CEP85L: variants seen among roughly 807,000 people sequenced by gnomAD.
CEP85L encodes the protein centrosomal protein of 85 kDa-like.
In CEP85L, 60 loss-of-function variants were observed where a neutral mutation model predicts 100.3. The ratio of observed to expected loss-of-function variants is 0.60; its 90% CI spans 0.49 to 0.74. The LOEUF (loss-of-function observed/expected upper bound fraction) is 0.74, where lower values mean the gene tolerates loss of function less well. Among genes scored for constraint, CEP85L ranks in the 30% least tolerant of loss-of-function variants. CEP85L has a pLI of 0.00. For missense variants in CEP85L, 973 were observed against 936.2 expected, an observed-to-expected ratio of 1.04 and a Z score of -0.51; for synonymous variants, 319 against 322.7, an observed-to-expected ratio of 0.99 and a Z score of 0.12.
chr6:118,502,300 G>C (rs1582924856), intron 5 of CEP85L: 2 of 526,298 alleles, frequency 3.8e-6, no homozygotes, highest in Middle Eastern at 5.6e-4. Flanking sequence ...AATCTATGGG[G>C]GAAGACTGAT....
intron 3 of CEP85L, among the ~76,000 whole-genome samples, chr6:118,545,451 G>A (rs908589483): frequency 6.6e-6 from 1 of 152,160 alleles, no homozygotes; most frequent in Non-Finnish European, 1.5e-5. Flanking sequence ...AGCTGGGCGT[G>A]GTGGCACACG....
At chr6:118,535,288 G>C (rs1010888814) in intron 3 of CEP85L, among the ~76,000 whole-genome samples, 2 of 152,066 alleles carry the variant, frequency 1.3e-5, no homozygotes, top group African/African-American at 4.8e-5. Flanking sequence ...CACACTCAAA[G>C]GCTATCAACT....
intron 12 of CEP85L, among the ~76,000 whole-genome samples, chr6:118,466,741 T>C (rs1772551319): frequency 1.3e-5 from 2 of 151,944 alleles, no homozygotes; most frequent in South Asian, 4.1e-4. Flanking sequence ...CACAGAGCAG[T>C]GTAGGCATTA....
chr6:118,536,378 GATT>G (rs1157041641), intron 3 of CEP85L, among the ~76,000 whole-genome samples: 2 of 152,108 alleles, frequency 1.3e-5, no homozygotes, highest in African/African-American at 4.8e-5. Context: ...CCTGAGTGGT[GATT>G]ATAAGGGGAG....
chr6:118,593,370 A>G (rs576479507), intron 2 of CEP85L, among the ~76,000 whole-genome samples: 17 of 152,130 alleles, frequency 1.1e-4, no homozygotes, highest in African/African-American at 2.4e-4. Context: ...TTAAAAAAAA[A>G]AAAAGAAAAG....
In CEP85L at chr6:118,632,570, A is replaced by T; in HGVS notation, c.115T>A (p.Leu39Met). ...GATGGAACAGTTGTGGCCTGCCACA[A>T]TGATTCATTAGCAGGTAGCCATGCT... ...SSAWLPANES[L>M]WQATTVPSNH... Residue 39 changes from leucine (L) to methionine (M), a missense_variant, in exon 2 of 13, where the codon TTG becomes ATG. This residue lies in a region of CEP85L where 79 missense variants were observed against 73.3 expected (regional missense o/e 1.08). Coordinates refer to ENST00000368491, the MANE Select transcript of CEP85L (RefSeq NM_001042475.3). 2 of 1,612,880 alleles carry T rather than the reference A, an allele frequency of 1.2e-6. No homozygotes were observed. Among genetic ancestry groups the T allele is most frequent in the East Asian group, 4.5e-5 (2 of 44,856 alleles).
intron 2 of CEP85L, among the ~76,000 whole-genome samples, chr6:118,577,950 A>T (rs1413727761): frequency 6.6e-6 from 1 of 152,210 alleles, no homozygotes; most frequent in Non-Finnish European, 1.5e-5. Flanking sequence ...GCCTTCACCA[A>T]AACCCCTCAT....
chr6:118,630,092 C>T (rs1774046480), intron 2 of CEP85L, among the ~76,000 whole-genome samples: 1 of 152,184 alleles, frequency 6.6e-6, no homozygotes, highest in South Asian at 2.1e-4. Flanking sequence ...TCACCTTTTA[C>T]ATATAGAACC....
chr6:118,707,031 A>G (rs558880894), intron 1 of CEP85L, among the ~76,000 whole-genome samples: 1 of 152,168 alleles, frequency 6.6e-6, no homozygotes, highest in Non-Finnish European at 1.5e-5. Context: ...CAATGAGTTC[A>G]TCTTCATATC....
rs577712171 is a variant in CEP85L, at chr6:118,706,147, G to A, written c.-28+3889C>T. ...CCAGCATGTAATGAATACTCAATAA[G>A]TTGCCTTAAATTTAACCACAGAACA... On this transcript the variant is annotated intron_variant, in intron 1 of 13. Transcript: ENST00000368488. 8.5e-5 allele frequency among the ~76,000 whole-genome samples: 13 copies of A among 152,256 alleles called. No individual in the cohort carries two copies. The South Asian group carries it at 2.7e-3, about 32-fold the overall frequency.
intron 2 of CEP85L, among the ~76,000 whole-genome samples, chr6:118,619,738 T>C (rs1445998979): frequency 6.6e-6 from 1 of 152,188 alleles, no homozygotes; most frequent in Non-Finnish European, 1.5e-5. Flanking sequence ...TCCCAATAAC[T>C]ATATAGATGT....
chr6:118,709,591 A>T (rs1777720916), intron 1 of CEP85L, among the ~76,000 whole-genome samples: 1 of 106,484 alleles, frequency 9.4e-6, no homozygotes, highest in African/African-American at 3.4e-5. Context: ...GAGCGCTCCC[A>T]GTTGGCCAAG....
At chr6:118,503,158 T>C (rs757478848) in intron 5 of CEP85L, among the ~76,000 whole-genome samples, 6 of 152,108 alleles carry the variant, frequency 3.9e-5, no homozygotes, top group Non-Finnish European at 5.9e-5. Context: ...AATGAACAAG[T>C]GGAATATAAA....
chr6:118,467,818 C>T (rs1772643559), intron 12 of CEP85L, among the ~76,000 whole-genome samples: 2 of 152,166 alleles, frequency 1.3e-5, no homozygotes, highest in Non-Finnish European at 2.9e-5. Context: ...TCCTCTTCCT[C>T]GTCTGAGAGC....
intron 3 of CEP85L, among the ~76,000 whole-genome samples, chr6:118,530,250 C>CT (rs1465881349): frequency 6.6e-6 from 1 of 151,612 alleles, no homozygotes. Flanking sequence ...CCAGTTCACT[C>CT]TTTTTTTTCA....
At chr6:118,521,324 T>C (rs1434087805) in intron 4 of CEP85L, among the ~76,000 whole-genome samples, 1 of 152,260 alleles carries the variant, frequency 6.6e-6, no homozygotes, top group Non-Finnish European at 1.5e-5. Context: ...TATAGAAATT[T>C]GTATATACAA....
intron 3 of CEP85L, among the ~76,000 whole-genome samples, chr6:118,541,006 C>T (rs1437244460): frequency 6.6e-6 from 1 of 152,040 alleles, no homozygotes; most frequent in Non-Finnish European, 1.5e-5. Context: ...TCATACTTAT[C>T]CAAATATTGA....
intron 3 of CEP85L, among the ~76,000 whole-genome samples, chr6:118,556,947 C>T (rs1195269160): frequency 6.6e-6 from 1 of 151,990 alleles, no homozygotes; most frequent in Non-Finnish European, 1.5e-5. Context: ...AAAGTATAGG[C>T]CCCACAGGCA....
intron 1 of CEP85L, among the ~76,000 whole-genome samples, chr6:118,642,477 G>C (rs929215908): frequency 6.6e-6 from 1 of 152,186 alleles, no homozygotes; most frequent in Admixed American, 6.5e-5. Context: ...CAGATTCCAA[G>C]ATTGGGAATT....
Sources: allele counts gnomAD v4.1 joint callset (sites outside exome capture counted in the v4.1 genomes callset), GRCh38; gene constraint gnomAD v4.1.1; regional missense constraint gnomAD v4.1.1; transcripts MANE v1.5; gene names NCBI Gene and HGNC (gene_info 2026-07-23, HGNC 2026-07-21).